FREM2: variants seen among roughly 807,000 people sequenced by gnomAD.
FREM2 encodes the protein FRAS1 related extracellular matrix 2.
A neutral mutation model predicts 219.9 loss-of-function variants in FREM2; 119 were observed. The observed-to-expected ratio is 0.54, with a 90% CI of 0.47 to 0.63. The LOEUF is 0.63. Ranked by LOEUF, FREM2 falls within the 30% of genes least tolerant of loss-of-function variation. FREM2 has a pLI of 0.00. For synonymous variants in FREM2, 1,562 were observed against 1,522.8 expected, an observed-to-expected ratio of 1.03 and a Z score of -0.60; for missense variants, 4,030 against 3,993.6, an observed-to-expected ratio of 1.01 and a Z score of -0.25.
At chr13:38,759,894 T>A (rs1873161850) in intron 2 of FREM2, among the ~76,000 whole-genome samples, 1 of 152,230 alleles carries the variant, frequency 6.6e-6, no homozygotes, top group Non-Finnish European at 1.5e-5. Context: ...ATAAGGTATC[T>A]TTCTATTCTT....
chr13:38,690,635 C>G lies in FREM2; in HGVS notation c.3291C>G (p.Ser1097=). 6.2e-7 allele frequency: 1 copy of G among 1,613,652 alleles called. No individual in the cohort carries two copies. Among genetic ancestry groups the G allele is most frequent in the Non-Finnish European group, 8.5e-7 (1 of 1,179,838 alleles). ...ATATAAGTGCTGAAGATGTCGACTC[C>G]CTGAATGATGACATCTTGTGCACTA... The part of the protein sequence containing the change: ...SVHISAEDVD[S]LNDDILCTIV... Residue 1097 remains serine, a synonymous_variant, in exon 1 of 24, where the codon TCC becomes TCG. Transcript: ENST00000280481.
chr13:38,687,180 C>T lies in FREM2; in HGVS notation c.-165C>T. 1.0e-6 allele frequency: 1 copy of T among 971,982 alleles called. No individual in the cohort carries two copies. Among genetic ancestry groups the T allele is most frequent in the South Asian group, 1.6e-5 (1 of 61,910 alleles). The allele number at this position is 971,982 out of a possible 1,614,324, so 60.2% of individuals were successfully genotyped here. A position where few individuals can be genotyped will look rare whatever the true frequency, so the allele number is the denominator to read the frequency against. On this transcript the variant is annotated 5_prime_UTR_variant, in exon 1 of 24. Coordinates refer to ENST00000280481, the MANE Select transcript of FREM2 (RefSeq NM_207361.6). ...TCGGCTGCGGCTCCAGCCCGGACGGCGCCGCGCAACTTTGCCATCCTTCTG... is the reference window on the plus strand; with the variant it reads ...TCGGCTGCGGCTCCAGCCCGGACGGTGCCGCGCAACTTTGCCATCCTTCTG...
At chr13:38,712,277 A>G (rs938677789) in intron 2 of FREM2, among the ~76,000 whole-genome samples, 1 of 152,184 alleles carries the variant, frequency 6.6e-6, no homozygotes, top group African/African-American at 2.4e-5. Flanking sequence ...GCTCTTCTGC[A>G]ATACTCTAGA....
intron 4 of FREM2, among the ~76,000 whole-genome samples, chr13:38,773,409 G>A (rs923085577): frequency 1.3e-5 from 2 of 150,244 alleles, no homozygotes; most frequent in African/African-American, 2.5e-5. Context: ...TTTTTTTTTC[G>A]AGACGGTATC....
intron 1 of FREM2, among the ~76,000 whole-genome samples, chr13:38,697,383 T>A (rs1403160912): frequency 6.6e-6 from 1 of 152,192 alleles, no homozygotes; most frequent in Non-Finnish European, 1.5e-5. Context: ...CCTGTCATGG[T>A]GCCTGACATT....
intron 12 of FREM2, among the ~76,000 whole-genome samples, chr13:38,856,503 C>G (rs1440283371): frequency 3.3e-5 from 5 of 152,156 alleles, no homozygotes. Flanking sequence ...CACTGAGCCC[C>G]AAACCTGTGC....
intron 6 of FREM2, among the ~76,000 whole-genome samples, chr13:38,793,572 A>T (rs1874649634): frequency 6.6e-6 from 1 of 152,236 alleles, no homozygotes; most frequent in African/African-American, 2.4e-5. Flanking sequence ...GGCCATATAA[A>T]AGAGTTGTGT....
At chr13:38,735,539 G>C (rs1871954984) in intron 2 of FREM2, among the ~76,000 whole-genome samples, 2 of 152,044 alleles carry the variant, frequency 1.3e-5, no homozygotes, top group Admixed American at 1.3e-4. Flanking sequence ...TATTGAAATA[G>C]TAATTACTTG....
intron 15 of FREM2, among the ~76,000 whole-genome samples, chr13:38,863,737 A>G (rs1011394185): frequency 3.9e-5 from 6 of 152,206 alleles, no homozygotes; most frequent in African/African-American, 1.4e-4. Context: ...ATAACTTACT[A>G]TCATTGTGAA....
At chr13:38,715,788 T>C (rs892261139) in intron 2 of FREM2, among the ~76,000 whole-genome samples, 3 of 152,148 alleles carry the variant, frequency 2.0e-5, no homozygotes, top group Non-Finnish European at 4.4e-5. Flanking sequence ...TCTGTCACTT[T>C]GGTAAAATCT....
intron 20 of FREM2, 148 bp from the exon 21 acceptor site, chr13:38,876,969 C>G: frequency 1.0e-6 from 1 of 968,150 alleles, no homozygotes; most frequent in Non-Finnish European, 1.6e-6. Context: ...AATGTTACAA[C>G]TCTCTGAGTT....
At chr13:38,822,076 C>G (rs1228696246) in intron 6 of FREM2, 1 of 152,122 alleles carries the variant, frequency 6.6e-6, no homozygotes, top group Non-Finnish European at 1.5e-5. Flanking sequence ...CAGTACAATT[C>G]AGCAGTTCCT....
intron 6 of FREM2, among the ~76,000 whole-genome samples, chr13:38,840,625 A>AATATATATATATGTGTATAT (rs1876913384): frequency 7.4e-6 from 1 of 135,116 alleles, no homozygotes; most frequent in African/African-American, 3.2e-5. Flanking sequence ...ATAAAACTAA[A>AATATATATATATGTGTATAT]ATATATATAT....
chr13:38,693,562 T>C (rs1869987708), intron 1 of FREM2, among the ~76,000 whole-genome samples: 1 of 152,146 alleles, frequency 6.6e-6, no homozygotes, highest in African/African-American at 2.4e-5. Flanking sequence ...CAACTTTCAT[T>C]ACAGTGGGAT....
chr13:38,731,223 G>A (rs1871756016), intron 2 of FREM2, among the ~76,000 whole-genome samples: 1 of 152,190 alleles, frequency 6.6e-6, no homozygotes, highest in South Asian at 2.1e-4. Flanking sequence ...TAAAATATCC[G>A]ATTAACTGAT....
Position 38,687,864 on chromosome 13 carries a change from G to A in FREM2, c.520G>A (p.Val174Met). ...GCTACCACTGGTACTGGAGGTGGAGGTGGTCTTCACCCAGCTGGAGGTTGT... is the reference window on the plus strand; with the variant it reads ...GCTACCACTGGTACTGGAGGTGGAGATGGTCTTCACCCAGCTGGAGGTTGT... ...VVLPLVLEVEVVFTQLEVVTR... is the reference protein window; with the variant it reads ...VVLPLVLEVEMVFTQLEVVTR... Residue 174 changes from valine (V) to methionine (M), a missense_variant, in exon 1 of 24, where the codon GTG becomes ATG. Physicochemically the swap from Val to Met is conservative, Grantham distance 21. This residue lies in a region of FREM2 where 3,102 missense variants were observed against 2,950.7 expected (regional missense o/e 1.05). Coordinates refer to ENST00000280481, the MANE Select transcript of FREM2 (RefSeq NM_207361.6). 6.4e-7 allele frequency: 1 copy of A among 1,568,784 alleles called. No homozygotes were observed.
chr13:38,862,686 T>A (rs1877805800), intron 15 of FREM2, among the ~76,000 whole-genome samples: 1 of 152,214 alleles, frequency 6.6e-6, no homozygotes, highest in African/African-American at 2.4e-5. Flanking sequence ...TCTTTTGCTG[T>A]ATTGCTTATG....
At position 38,883,487 on chromosome 13, in the gene FREM2, T is replaced by TA. The variant is rs1878622709; in HGVS notation, c.*2705dup. 6.6e-6 allele frequency: 1 copy of TA among 152,284 alleles called. No individual in the cohort carries two copies. Among genetic ancestry groups the TA allele is most frequent in the Admixed American group, 6.5e-5 (1 of 15,296 alleles). 9.4% of individuals were successfully genotyped at this position (152,284 alleles called of 1,614,324 possible). On this transcript the variant is annotated 3_prime_UTR_variant, in exon 24 of 24. Transcript: ENST00000280481. Reference sequence around the variant, plus strand: ...TCAAGGTCTTGTTGATATTATATAGTAAAAATAAAACCAAAAATAAATATT... The same window carrying TA: ...TCAAGGTCTTGTTGATATTATATAGTAAAAAATAAAACCAAAAATAAATATT...
intron 6 of FREM2, among the ~76,000 whole-genome samples, chr13:38,815,111 G>A (rs1237432914): frequency 6.6e-6 from 1 of 152,152 alleles, no homozygotes; most frequent in Non-Finnish European, 1.5e-5. Context: ...GTGCTTTTCT[G>A]TGTACACATG....
Sources: allele counts gnomAD v4.1 joint callset (sites outside exome capture counted in the v4.1 genomes callset), GRCh38; gene constraint gnomAD v4.1.1; regional missense constraint gnomAD v4.1.1; transcripts MANE v1.5; gene names NCBI Gene and HGNC (gene_info 2026-07-23, HGNC 2026-07-21).